AASS: variants seen among roughly 807,000 people sequenced by gnomAD.
The protein encoded by AASS is aminoadipate-semialdehyde synthase.
A neutral mutation model predicts 105.4 loss-of-function variants in AASS; 86 were observed. That is an observed-to-expected ratio of 0.82 (90% CI 0.69 to 0.98). The LOEUF (loss-of-function observed/expected upper bound fraction) is 0.98. Ranked by LOEUF, AASS falls within the 50% of genes least tolerant of loss-of-function variation. The pLI is 0.00. For missense variants in AASS, 1,048 were observed against 1,143.2 expected, an observed-to-expected ratio of 0.92 and a Z score of 1.20; for synonymous variants, 381 against 394.8, an observed-to-expected ratio of 0.96 and a Z score of 0.41.
intron 6 of AASS, 37 bp from the exon 7 acceptor site, chr7:122,116,994 T>C (rs1294882473): frequency 1.3e-6 from 2 of 1,566,184 alleles, no homozygotes; most frequent in African/African-American, 1.4e-5. Context: ...CAAAAATCAA[T>C]AGAAAAAGAA....
At chr7:122,129,599 G>A in intron 2 of AASS, 62 bp from the exon 3 acceptor site, 1 of 1,498,902 alleles carries the variant, frequency 6.7e-7, no homozygotes, top group Non-Finnish European at 9.2e-7. Flanking sequence ...GTTTTCTTGA[G>A]CAAAATGTGT....
At chr7:122,084,094 CA>C (rs34641952) in intron 19 of AASS, among the ~76,000 whole-genome samples, 17 of 144,548 alleles carry the variant, frequency 1.2e-4, no homozygotes, top group South Asian at 2.2e-4. Context: ...AACTGCTGGC[CA>C]AAAAAAAAAG....
chr7:122,078,504 C>T (rs1793143651), intron 22 of AASS, among the ~76,000 whole-genome samples: 2 of 151,166 alleles, frequency 1.3e-5, no homozygotes, highest in Non-Finnish European at 2.9e-5. Flanking sequence ...CCCAGCTACT[C>T]GGGAGGCTGA....
At chr7:122,103,297 T>C (rs1450678848) in intron 11 of AASS, among the ~76,000 whole-genome samples, 6 of 152,122 alleles carry the variant, frequency 3.9e-5, no homozygotes, top group Admixed American at 2.6e-4. Context: ...CAGGAGAGAA[T>C]GGGATGATAT....
chr7:122,122,531 T>C (rs2150544422), intron 4 of AASS, among the ~76,000 whole-genome samples: 1 of 152,320 alleles, frequency 6.6e-6, no homozygotes, highest in East Asian at 1.9e-4. Flanking sequence ...CTGTCTGGCA[T>C]TCAGTAAAAA....
At chr7:122,085,968 C>T (rs1348925039) in intron 19 of AASS, 44 bp downstream of exon 19, 1 of 1,609,152 alleles carries the variant, frequency 6.2e-7, no homozygotes, top group Non-Finnish European at 8.5e-7. Flanking sequence ...ACATCACTTA[C>T]ATCACAACTG....
Position 122,106,759 on chromosome 7 carries a change from A to T in AASS, c.1279-5079T>A, listed in dbSNP as rs80052958. 4.7e-3 allele frequency among the ~76,000 whole-genome samples: 723 copies of T among 152,244 alleles called. 22 individuals carry two copies. Among genetic ancestry groups the T allele is most frequent in the East Asian group, 0.034 (176 of 5,178 alleles). On this transcript the variant is annotated intron_variant, in intron 11 of 23. Transcript: ENST00000417368. The stretch of plus-strand genomic sequence containing the variant: ...ACAGCATATAAAATGGTGTAAATCA[A>T]CTCAAAGTGGATTAAAGAATGAAAT...
chr7:122,113,821 A>T (rs757621413), intron 9 of AASS, 101 bp from the exon 10 acceptor site: 17 of 1,371,206 alleles, frequency 1.2e-5, no homozygotes, highest in Non-Finnish European at 1.6e-5. Context: ...GTGGATCCCA[A>T]ATATTTTCCA....
chr7:122,135,634 A>G (rs938957608), intron 1 of AASS, among the ~76,000 whole-genome samples: 1 of 152,170 alleles, frequency 6.6e-6, no homozygotes, highest in African/African-American at 2.4e-5. Flanking sequence ...AATAAACTCT[A>G]CTCAAAGCAG....
intron 11 of AASS, 108 bp downstream of exon 11, chr7:122,113,010 C>A: frequency 3.4e-6 from 3 of 894,856 alleles, no homozygotes; most frequent in Admixed American, 2.0e-5. Context: ...GCTGGCATTT[C>A]ATTTTACAGC....
At chr7:122,080,761 T>C (rs1264875164) in intron 20 of AASS, among the ~76,000 whole-genome samples, 2 of 152,178 alleles carry the variant, frequency 1.3e-5, no homozygotes, top group African/African-American at 2.4e-5. Flanking sequence ...CCATAAAGAA[T>C]TCAAAAATAA....
chr7:122,097,736 T>G (rs1253395267), intron 15 of AASS, among the ~76,000 whole-genome samples: 1 of 152,078 alleles, frequency 6.6e-6, no homozygotes, highest in Non-Finnish European at 1.5e-5. Flanking sequence ...ATCTACTTAT[T>G]CCATTTAAGC....
chr7:122,088,105 A>G (rs371869293), intron 18 of AASS, among the ~76,000 whole-genome samples: 7 of 152,266 alleles, frequency 4.6e-5, no homozygotes, highest in Admixed American at 2.0e-4. Flanking sequence ...CAACAGAAAC[A>G]TATTTGTCTG....
chr7:122,096,531 G>A (rs1167172992), intron 15 of AASS, among the ~76,000 whole-genome samples: 1 of 152,012 alleles, frequency 6.6e-6, no homozygotes. Flanking sequence ...GGGTGGTTGA[G>A]GTGGGAGGAT....
chr7:122,082,107 C>T (rs887345166), intron 19 of AASS, among the ~76,000 whole-genome samples: 11 of 152,000 alleles, frequency 7.2e-5, no homozygotes, highest in African/African-American at 2.7e-4. Flanking sequence ...AGCCACCACC[C>T]CCAAGATATA....
At chr7:122,095,361 AAT>A (rs1337843900) in intron 15 of AASS, among the ~76,000 whole-genome samples, 1 of 152,184 alleles carries the variant, frequency 6.6e-6, no homozygotes, top group Non-Finnish European at 1.5e-5. Flanking sequence ...AATTTTCATA[AAT>A]ATGAGTGTTA....
At chr7:122,104,968 A>G (rs1001246897) in intron 11 of AASS, among the ~76,000 whole-genome samples, 2 of 152,084 alleles carry the variant, frequency 1.3e-5, no homozygotes, top group Non-Finnish European at 2.9e-5. Flanking sequence ...CTCTCACTAT[A>G]TGCTGCACAC....
chr7:122,106,459 CA>C (rs201977168), intron 11 of AASS, among the ~76,000 whole-genome samples: 1 of 149,274 alleles, frequency 6.7e-6, no homozygotes, highest in African/African-American at 2.5e-5. Flanking sequence ...CAATCCTAAA[CA>C]AAAAAAAACA....
chr7:122,089,774 G>A (rs1220772447), intron 18 of AASS, among the ~76,000 whole-genome samples: 1 of 152,154 alleles, frequency 6.6e-6, no homozygotes, highest in Admixed American at 6.5e-5. Flanking sequence ...CAGATACCAA[G>A]TTCCTTGCTC....
Sources: gnomAD v4.1 joint callset for allele counts (sites outside exome capture counted in the v4.1 genomes callset) on GRCh38, gnomAD v4.1.1 for gene constraint, MANE v1.5 for transcripts, NCBI Gene and HGNC (gene_info 2026-07-23, HGNC 2026-07-21) for gene names.